Variants in EPHB1 observed in about 807,000 individuals in gnomAD.
EPHB1 encodes the protein ephrin type-B receptor 1.
In EPHB1, 30 loss-of-function variants were observed where a neutral mutation model predicts 94.4. The ratio of observed to expected loss-of-function variants is 0.32; its 90% CI spans 0.24 to 0.43. EPHB1 has a LOEUF of 0.43. Among genes scored for constraint, EPHB1 ranks in the 20% least tolerant of loss-of-function variants. The probability of loss-of-function intolerance (pLI) is 1.00; values close to 1 mark genes in which losing one functional copy is unlikely to be tolerated. For missense variants in EPHB1, 1,055 were observed against 1,308.3 expected (o/e 0.81, Z 2.99); for synonymous variants, 522 against 489.1 (o/e 1.07, Z -0.89).
chr3:134,861,545 GCCAGCTT>G (rs2037259508), intron 1 of EPHB1, among the ~76,000 whole-genome samples: 1 of 152,206 alleles, frequency 6.6e-6, no homozygotes, highest in African/African-American at 2.4e-5. Flanking sequence ...GGAAAGTCAT[GCCAGCTT>G]CCAGAAAAGA....
At chr3:135,167,952 G>C (rs974045534) in intron 9 of EPHB1, among the ~76,000 whole-genome samples, 11 of 152,120 alleles carry the variant, frequency 7.2e-5, no homozygotes, top group South Asian at 2.1e-4. Context: ...GTCTCCACAG[G>C]GGGGTTCTTC....
chr3:135,131,449 C>T (rs1417954411), intron 4 of EPHB1, among the ~76,000 whole-genome samples: 2 of 152,176 alleles, frequency 1.3e-5, no homozygotes, highest in Admixed American at 6.5e-5. Flanking sequence ...GTGACAGTCA[C>T]GTGCATGAAT....
chr3:135,231,275 T>C (rs980718071), intron 12 of EPHB1, among the ~76,000 whole-genome samples: 1 of 152,232 alleles, frequency 6.6e-6, no homozygotes, highest in African/African-American at 2.4e-5. Flanking sequence ...GCCTGTATCC[T>C]GGCCATCAGA....
At chr3:135,018,342 G>A (rs1329844534) in intron 3 of EPHB1, among the ~76,000 whole-genome samples, 4 of 152,032 alleles carry the variant, frequency 2.6e-5, no homozygotes, top group Admixed American at 2.6e-4. Flanking sequence ...GCTTCCTGGG[G>A]ACAAAGTCTA....
At chr3:135,079,096 AC>A (rs200198230) in intron 3 of EPHB1, among the ~76,000 whole-genome samples, 1 of 140,394 alleles carries the variant, frequency 7.1e-6, no homozygotes, top group Non-Finnish European at 1.6e-5. Context: ...CAAAAAAAAA[AC>A]AAAACAAACA....
In EPHB1 at chr3:135,167,339, T is replaced by C. The variant is rs181053717; in HGVS notation, c.1759+333T>C. Among the ~76,000 whole-genome samples the C allele has an allele frequency of 4.7e-4, 72 of 152,170 alleles. No individual in the cohort carries two copies. In the East Asian group the frequency reaches 0.011, roughly 24 times the overall value. On this transcript the variant is annotated intron_variant, in intron 9 of 15. Coordinates refer to ENST00000398015, the MANE Select transcript of EPHB1 (RefSeq NM_004441.5). ...CAGACTCAGTGGGAAAAGATGGAGTTCTCTATTAACATCTTCTGCCTTATC... is the reference window on the plus strand; with the variant it reads ...CAGACTCAGTGGGAAAAGATGGAGTCCTCTATTAACATCTTCTGCCTTATC...
At chr3:135,061,464 GT>G (rs1418680711) in intron 3 of EPHB1, among the ~76,000 whole-genome samples, 1 of 142,700 alleles carries the variant, frequency 7.0e-6, no homozygotes, top group Non-Finnish European at 1.5e-5. Flanking sequence ...AACATACAAT[GT>G]TTGGTTTTCC....
At position 135,032,844 on chromosome 3, in the gene EPHB1, T is replaced by C. The variant is rs552188754; in HGVS notation, c.806-73604T>C. Reference sequence around the variant, plus strand: ...TGAGTTCCAGTGACAAAGAAGCTCATGTAGCCCCTCCAGAGACATGAAAAT... The same window carrying C: ...TGAGTTCCAGTGACAAAGAAGCTCACGTAGCCCCTCCAGAGACATGAAAAT... On this transcript the variant is annotated intron_variant, in intron 3 of 15. Coordinates refer to ENST00000398015, the MANE Select transcript of EPHB1 (RefSeq NM_004441.5). Among the ~76,000 whole-genome samples, 11 of 152,356 alleles carry C rather than the reference T, an allele frequency of 7.2e-5. No homozygotes were observed. The East Asian group carries it at 1.3e-3, about 19-fold the overall frequency.
In EPHB1 at chr3:135,079,237, G is replaced by A. The variant is rs1304520140; in HGVS notation, c.806-27211G>A. ...AGAAGGCTAGAATGAGTTGATCATG[G>A]GGCGTTGAGTCTACAGAGTGATGGT... On this transcript the variant is annotated intron_variant, in intron 3 of 15. Coordinates refer to ENST00000398015, the MANE Select transcript of EPHB1 (RefSeq NM_004441.5). 2.0e-5 allele frequency among the ~76,000 whole-genome samples: 3 copies of A among 152,154 alleles called. No individual in the cohort carries two copies. In the East Asian group the frequency reaches 5.8e-4, roughly 29 times the overall value.
Position 135,183,446 on chromosome 3 carries a change from A to G in EPHB1, c.1882+3464A>G, listed in dbSNP as rs551840877. 1.1e-3 allele frequency among the ~76,000 whole-genome samples: 163 copies of G among 152,310 alleles called. 2 individuals are homozygous for G. In the South Asian group the frequency reaches 0.02, roughly 19 times the overall value. On this transcript the variant is annotated intron_variant, in intron 10 of 15. Transcript: ENST00000398015. Reference sequence around the variant, plus strand: ...TTGTTGCAGGAGGGATTAAGTTTACAGTTCAGAAAGATCTTTATTCATTAA... The same window carrying G: ...TTGTTGCAGGAGGGATTAAGTTTACGGTTCAGAAAGATCTTTATTCATTAA...
rs3732570 is a variant in EPHB1 at position 134,842,268 on chromosome 3, C to G, written c.58+46579C>G. On this transcript the variant is annotated intron_variant, in intron 1 of 15. Transcript: ENST00000398015. ...GCCTTGATCTTGGACTTCTCAGCCTCGAGAACTGTGAGACATAAATTTCTG... is the reference window on the plus strand; with the variant it reads ...GCCTTGATCTTGGACTTCTCAGCCTGGAGAACTGTGAGACATAAATTTCTG... Among the ~76,000 whole-genome samples, 1,383 of 152,266 alleles carry G rather than the reference C, an allele frequency of 9.1e-3. 46 individuals carry two copies. Among genetic ancestry groups the G allele is most frequent in the Admixed American group, 0.051 (779 of 15,296 alleles).
At chr3:135,054,036 T>TACACACACAC (rs1302391868) in intron 3 of EPHB1, among the ~76,000 whole-genome samples, 2 of 105,660 alleles carry the variant, frequency 1.9e-5, no homozygotes, top group Non-Finnish European at 2.0e-5. Context: ...TATATATATA[T>TACACACACAC]ATATACACAC....
intron 1 of EPHB1, among the ~76,000 whole-genome samples, chr3:134,843,875 A>G (rs564006095): frequency 2.0e-5 from 3 of 152,176 alleles, no homozygotes; most frequent in African/African-American, 7.2e-5. Context: ...TGTCTGCTGT[A>G]TCTAATATCT....
intron 3 of EPHB1, among the ~76,000 whole-genome samples, chr3:135,088,094 G>A (rs745451201): frequency 6.6e-6 from 1 of 152,112 alleles, no homozygotes; most frequent in Non-Finnish European, 1.5e-5. Flanking sequence ...TGCCCTAAGT[G>A]AGTAGAAAAG....
intron 5 of EPHB1, among the ~76,000 whole-genome samples, chr3:135,139,361 G>A (rs1242593945): frequency 6.6e-6 from 1 of 152,196 alleles, no homozygotes; most frequent in Admixed American, 6.5e-5. Context: ...GGTTTGTTTG[G>A]GCATTTTAAC....
At chr3:135,120,658 G>A (rs1423176606) in intron 4 of EPHB1, among the ~76,000 whole-genome samples, 1 of 152,082 alleles carries the variant, frequency 6.6e-6, no homozygotes, top group Non-Finnish European at 1.5e-5. Context: ...TTGTTCTCTT[G>A]ACCTTGAATT....
At chr3:135,213,514 G>C (rs184774022) in intron 12 of EPHB1, among the ~76,000 whole-genome samples, 6 of 152,282 alleles carry the variant, frequency 3.9e-5, no homozygotes, top group Non-Finnish European at 5.9e-5. Context: ...TACTGGTTCT[G>C]TCTAATGTTA....
At chr3:135,140,086 A>G (rs1356734764) in intron 5 of EPHB1, among the ~76,000 whole-genome samples, 4 of 152,208 alleles carry the variant, frequency 2.6e-5, no homozygotes, top group African/African-American at 9.7e-5. Context: ...AGGAGTAAAA[A>G]TGGCTACTGA....
intron 1 of EPHB1, among the ~76,000 whole-genome samples, chr3:134,810,732 C>T (rs1258341593): frequency 6.6e-6 from 1 of 152,164 alleles, no homozygotes; most frequent in African/African-American, 2.4e-5. Flanking sequence ...GTTTTGGGTG[C>T]AGTTCTGCCA....
Sources: allele counts gnomAD v4.1 joint callset (sites outside exome capture counted in the v4.1 genomes callset), GRCh38; gene constraint gnomAD v4.1.1; transcripts MANE v1.5; gene names NCBI Gene and HGNC (gene_info 2026-07-23, HGNC 2026-07-21).